The following NEDD4L variants were observed in gnomAD, a reference collection of about 807,000 sequenced individuals.
NEDD4L encodes NEDD4 like E3 ubiquitin protein ligase.
In NEDD4L, 54 loss-of-function variants were observed where a neutral mutation model predicts 148.9. That is an observed-to-expected ratio of 0.36 (90% CI 0.29 to 0.45). The LOEUF is 0.45. NEDD4L is among the 20% of genes least tolerant of loss of function. The probability of loss-of-function intolerance (pLI) is 1.00; values close to 1 mark genes in which losing one functional copy is unlikely to be tolerated. For missense variants in NEDD4L, 856 were observed against 1,233.8 expected (o/e 0.69, Z 4.59); for synonymous variants, 433 against 440.7 (o/e 0.98, Z 0.22).
intron 5 of NEDD4L, among the ~76,000 whole-genome samples, chr18:58,272,426 A>G (rs1471578471): frequency 1.3e-5 from 2 of 152,178 alleles, no homozygotes; most frequent in Non-Finnish European, 2.9e-5. Context: ...GTTTAAGCTC[A>G]GGAATTCAAG....
At chr18:58,229,827 T>G (rs1298468808) in intron 2 of NEDD4L, among the ~76,000 whole-genome samples, 1 of 151,960 alleles carries the variant, frequency 6.6e-6, no homozygotes, top group Admixed American at 6.5e-5. Flanking sequence ...CCGTCTCTAC[T>G]AAAAATACAA....
chr18:58,090,412 C>T (rs1713707775), intron 1 of NEDD4L, among the ~76,000 whole-genome samples: 1 of 152,146 alleles, frequency 6.6e-6, no homozygotes, highest in Non-Finnish European at 1.5e-5. Flanking sequence ...AACTCCTGGG[C>T]TTTTGTTGGT....
At chr18:58,228,420 A>G (rs1388194816) in intron 2 of NEDD4L, among the ~76,000 whole-genome samples, 2 of 152,210 alleles carry the variant, frequency 1.3e-5, no homozygotes, top group Non-Finnish European at 2.9e-5. Context: ...ACTAAAAGTC[A>G]TAGTCACTCC....
intron 16 of NEDD4L, among the ~76,000 whole-genome samples, chr18:58,346,869 T>C (rs960697659): frequency 1.3e-5 from 2 of 152,046 alleles, no homozygotes; most frequent in African/African-American, 2.4e-5. Flanking sequence ...TGTCCATAAC[T>C]AATAGAGAGC....
At chr18:58,298,933 C>T in intron 5 of NEDD4L, among the ~76,000 whole-genome samples, 1 of 152,214 alleles carries the variant, frequency 6.6e-6, no homozygotes, top group East Asian at 1.9e-4. Flanking sequence ...CTGAGGATTA[C>T]TTAGCCATCA....
At chr18:58,332,663 A>G (rs562800854) in intron 11 of NEDD4L, among the ~76,000 whole-genome samples, 9 of 152,274 alleles carry the variant, frequency 5.9e-5, no homozygotes, top group African/African-American at 1.9e-4. Flanking sequence ...TGATTCTTTC[A>G]CAGTAACCAA....
intron 1 of NEDD4L, among the ~76,000 whole-genome samples, chr18:58,067,000 G>A (rs2082634376): frequency 6.6e-6 from 1 of 152,080 alleles, no homozygotes; most frequent in African/African-American, 2.4e-5. Flanking sequence ...TCATACACAT[G>A]TATTGTAATT....
intron 24 of NEDD4L, among the ~76,000 whole-genome samples, chr18:58,375,213 A>G (rs1057496408): frequency 4.0e-5 from 6 of 150,440 alleles, no homozygotes; most frequent in Non-Finnish European, 8.9e-5. Context: ...CTGTCTGTGC[A>G]CTCCCCTAGC....
intron 8 of NEDD4L, among the ~76,000 whole-genome samples, chr18:58,324,613 C>T (rs1380012270): frequency 6.6e-6 from 1 of 152,186 alleles, no homozygotes. Context: ...TACTGTGACG[C>T]ACATCATTGG....
At chr18:58,252,099 ACTGGATTTTCAGAGCAG>A (rs2048006670) in intron 5 of NEDD4L, 45 bp downstream of exon 5, 1 of 1,270,848 alleles carries the variant, frequency 7.9e-7, no homozygotes. Flanking sequence ...TTTTTTATTA[ACTGGATTTTCAGAGCAG>A]CGTCTTTAAA....
rs115480141 is a variant in NEDD4L, at chr18:58,100,148, G to A, written c.48+55440G>A. ...AAGCACAGGACCTGCCTGCTGCTGT[G>A]GGCTCAGGGAAGTGAGTACTATTTT... On this transcript the variant is annotated intron_variant, in intron 1 of 30. Transcript: ENST00000400345. Among the ~76,000 whole-genome samples, 485 of 152,252 alleles carry A rather than the reference G, an allele frequency of 3.2e-3. 3 individuals carry two copies. The highest frequency in any genetic ancestry group is 0.011 in the African/African-American group (466 of 41,530).
intron 18 of NEDD4L, among the ~76,000 whole-genome samples, chr18:58,354,458 AG>A (rs2044326725): frequency 6.6e-6 from 1 of 151,910 alleles, no homozygotes; most frequent in Non-Finnish European, 1.5e-5. Flanking sequence ...AAAAAAAAAA[AG>A]GATAACTGGC....
intron 5 of NEDD4L, among the ~76,000 whole-genome samples, chr18:58,283,974 C>T (rs1233776181): frequency 6.6e-6 from 1 of 152,164 alleles, no homozygotes; most frequent in Non-Finnish European, 1.5e-5. Context: ...AGGCAGAGAT[C>T]AGGTGATGCT....
chr18:58,273,305 G>A lies in NEDD4L; in HGVS notation c.297+21251G>A, dbSNP rs561539768. ...TGAGCTCAGCTGCTCTGAAGCCTGG[G>A]AAAAGTCAGCAATTTGTAAAATTAT... On this transcript the variant is annotated intron_variant, in intron 5 of 30. Transcript: ENST00000400345. Among the ~76,000 whole-genome samples, 17 of 152,292 alleles carry A rather than the reference G, an allele frequency of 1.1e-4. No individual in the cohort carries two copies. The South Asian group carries it at 3.5e-3, about 32-fold the overall frequency.
intron 14 of NEDD4L, among the ~76,000 whole-genome samples, chr18:58,341,464 T>C (rs193012219): frequency 1.4e-3 from 206 of 152,324 alleles, no homozygotes; most frequent in African/African-American, 4.9e-3. Context: ...AATCCGAGGC[T>C]AGTTTTTATG....
At chr18:58,278,243 G>C (rs538800626) in intron 5 of NEDD4L, among the ~76,000 whole-genome samples, 13 of 152,316 alleles carry the variant, frequency 8.5e-5, no homozygotes, top group South Asian at 4.1e-4. Flanking sequence ...GATGTGGTCT[G>C]TTCTGGAGTT....
intron 1 of NEDD4L, among the ~76,000 whole-genome samples, chr18:58,065,588 A>G (rs1407614276): frequency 6.6e-6 from 1 of 152,244 alleles, no homozygotes. Context: ...GAGCATTGCC[A>G]TTCAAGGTGG....
At chr18:58,371,938 C>T (rs1361634956) in intron 23 of NEDD4L, 8 of 152,194 alleles carry the variant, frequency 5.3e-5, no homozygotes, top group African/African-American at 1.9e-4. Flanking sequence ...CGTCGTGTCC[C>T]CAGCAGGAGA....
intron 2 of NEDD4L, among the ~76,000 whole-genome samples, chr18:58,239,240 T>A (rs1018436616): frequency 1.3e-5 from 2 of 152,242 alleles, no homozygotes; most frequent in African/African-American, 4.8e-5. Context: ...ACAATCTTTT[T>A]GCAAGCTGTC....
Sources: gnomAD v4.1 joint callset for allele counts (sites outside exome capture counted in the v4.1 genomes callset) on GRCh38, gnomAD v4.1.1 for gene constraint, MANE v1.5 for transcripts, NCBI Gene and HGNC (gene_info 2026-07-23, HGNC 2026-07-21) for gene names.